The following ATXN2 variants were observed in gnomAD, a reference collection of about 807,000 sequenced individuals.
ATXN2 encodes ataxin 2, also known as ataxin-2.
In ATXN2, 37 loss-of-function variants were observed where a neutral mutation model predicts 138.6. The observed-to-expected ratio is 0.27, with a 90% CI of 0.21 to 0.35. The LOEUF is 0.35. Among genes scored for constraint, ATXN2 ranks in the 10% least tolerant of loss-of-function variants. The probability of loss-of-function intolerance (pLI) is 1.00; values close to 1 mark genes in which losing one functional copy is unlikely to be tolerated. For missense variants in ATXN2, 1,216 were observed against 1,480.3 expected, an observed-to-expected ratio of 0.82 and a Z score of 2.93; for synonymous variants, 549 against 543.7, an observed-to-expected ratio of 1.01 and a Z score of -0.13.
At chr12:111,579,272 A>G (rs185212675) in intron 1 of ATXN2, among the ~76,000 whole-genome samples, 58 of 151,782 alleles carry the variant, frequency 3.8e-4, no homozygotes, top group Non-Finnish European at 6.5e-4. Context: ...TTATTTATTT[A>G]TTTTTTTGAG....
chr12:111,520,794 AAACT>A (rs1435875385), intron 7 of ATXN2, 84 bp downstream of exon 7: 8 of 719,378 alleles, frequency 1.1e-5, no homozygotes, highest in Admixed American at 3.6e-5. Flanking sequence ...TTTAACTTAA[AAACT>A]AACAAACATT....
At chr12:111,585,613 T>G (rs1884280688) in intron 1 of ATXN2, among the ~76,000 whole-genome samples, 1 of 151,786 alleles carries the variant, frequency 6.6e-6, no homozygotes, top group African/African-American at 2.4e-5. Context: ...GAGACCAGCC[T>G]GGCCAAAATG....
At chr12:111,562,720 C>CAAAAA (rs34625134) in intron 1 of ATXN2, among the ~76,000 whole-genome samples, 24 of 55,882 alleles carry the variant, frequency 4.3e-4, no homozygotes, top group Middle Eastern at 9.3e-3. Flanking sequence ...AACTCCATCT[C>CAAAAA]AAAAAAAAAA....
rs1339890255 is a variant in ATXN2 at position 111,598,660 on chromosome 12, C to A, written c.251+124G>T. On this transcript the variant is annotated intron_variant, in intron 1 of 24. Coordinates refer to ENST00000673436, the MANE Select transcript of ATXN2 (RefSeq NM_001372574.1). The surrounding 1 kb of genome is among the most constrained non-coding windows in gnomAD (Gnocchi z 4.5). ...GGCTCAGGCCCGAGCGAGTCTCCCC[C>A]GCGCTGCCGGCCCCCAGCCCACCCC... The A allele has an allele frequency of 3.3e-6, 3 of 896,046 alleles. No individual in the cohort carries two copies. In the East Asian group the frequency reaches 3.3e-4, roughly 97 times the overall value. The allele number at this position is 896,046 out of a possible 1,614,324, so 55.5% of individuals were successfully genotyped here.
chr12:111,482,023 T>G (rs1877273268), intron 18 of ATXN2, among the ~76,000 whole-genome samples: 1 of 151,830 alleles, frequency 6.6e-6, no homozygotes, highest in Non-Finnish European at 1.5e-5. Flanking sequence ...AAAAAGGAAA[T>G]AATCCAAATG....
At chr12:111,479,933 G>A (rs1359120522) in intron 18 of ATXN2, among the ~76,000 whole-genome samples, 1 of 146,926 alleles carries the variant, frequency 6.8e-6, no homozygotes, top group Non-Finnish European at 1.5e-5. Context: ...GCTGAGGTGA[G>A]CTCAAGAGTT....
rs1877671112 is a variant in ATXN2 at position 111,486,752 on chromosome 12, T to C, written c.2304+9A>G. 1.2e-6 allele frequency: 2 copies of C among 1,604,938 alleles called. No homozygotes were observed. The highest frequency in any genetic ancestry group is 8.5e-7 in the Non-Finnish European group (1 of 1,172,660). On this transcript the variant is annotated intron_variant, in intron 16 of 24. Transcript: ENST00000673436. ...GACTAGATAACCTCAAAGAAAGTAA[T>C]AAACCTACCTGAGAGAAGGAACGTG...
chr12:111,517,864 C>T (rs1879944208), intron 9 of ATXN2, among the ~76,000 whole-genome samples: 1 of 152,048 alleles, frequency 6.6e-6, no homozygotes, highest in East Asian at 1.9e-4. Context: ...CAGTGTTGCA[C>T]ATAGGTTAGA....
intron 1 of ATXN2, among the ~76,000 whole-genome samples, chr12:111,577,560 C>T (rs1411207396): frequency 6.6e-6 from 1 of 151,966 alleles, no homozygotes; most frequent in African/African-American, 2.4e-5. Context: ...CCACCGGGCC[C>T]GGCCCGCATG....
intron 5 of ATXN2, among the ~76,000 whole-genome samples, chr12:111,533,343 CAA>C (rs1171086016): frequency 6.6e-6 from 1 of 152,146 alleles, no homozygotes; most frequent in Admixed American, 6.5e-5. Context: ...GTCCCTGATA[CAA>C]AGTGGTGTAG....
chr12:111,455,871 T>A, intron 23 of ATXN2, 158 bp downstream of exon 23: 2 of 750,074 alleles, frequency 2.7e-6, no homozygotes, highest in Non-Finnish European at 4.7e-6. Flanking sequence ...CACACAAACA[T>A]TCCCTTAGGG....
At chr12:111,579,835 G>A (rs1398842458) in intron 1 of ATXN2, among the ~76,000 whole-genome samples, 1 of 151,636 alleles carries the variant, frequency 6.6e-6, no homozygotes, top group Non-Finnish European at 1.5e-5. Context: ...GAGTAGCTGG[G>A]ATTACAGGAG....
chr12:111,588,898 G>A (rs1884485016), intron 1 of ATXN2, among the ~76,000 whole-genome samples: 1 of 145,696 alleles, frequency 6.9e-6, no homozygotes. Flanking sequence ...GGGAGGCTGA[G>A]GCAGGAGAAT....
chr12:111,598,499 C>T lies in ATXN2; in HGVS notation c.251+285G>A. On this transcript the variant is annotated intron_variant, in intron 1 of 24. Coordinates refer to ENST00000673436, the MANE Select transcript of ATXN2 (RefSeq NM_001372574.1). This position sits in a 1 kb window ranked among gnomAD's most constrained non-coding sequence, Gnocchi z 4.5. ...CATCGCCGCTACCCGAGAACCCCTC[C>T]CAACACGCGTGGGGAGGGGAGGCCG... 1 of 984,936 alleles carries T rather than the reference C, an allele frequency of 1.0e-6. No individual in the cohort carries two copies. The highest frequency in any genetic ancestry group is 1.7e-5 in the African/African-American group (1 of 57,174). The allele number at this position is 984,936 out of a possible 1,614,324, so 61.0% of individuals were successfully genotyped here.
chr12:111,560,860 T>A (rs1170374033), intron 1 of ATXN2, among the ~76,000 whole-genome samples: 1 of 151,764 alleles, frequency 6.6e-6, no homozygotes, highest in Non-Finnish European at 1.5e-5. Context: ...TCTGACTTAA[T>A]AAGAATTTCA....
At chr12:111,471,689 T>C (rs927699048) in intron 18 of ATXN2, 2 of 152,044 alleles carry the variant, frequency 1.3e-5, no homozygotes, top group Non-Finnish European at 2.9e-5. Context: ...TTTATCTATG[T>C]AGGAAAGCAA....
chr12:111,509,676 T>A (rs983546583), intron 13 of ATXN2, 57 bp from the exon 14 acceptor site: 4 of 1,047,820 alleles, frequency 3.8e-6, no homozygotes, highest in African/African-American at 1.6e-5. Context: ...AACATCACAT[T>A]CTTTTTAGTA....
intron 1 of ATXN2, among the ~76,000 whole-genome samples, chr12:111,585,961 T>C (rs1884305232): frequency 6.6e-6 from 1 of 151,994 alleles, no homozygotes; most frequent in Non-Finnish European, 1.5e-5. Flanking sequence ...TGGAGTGCAG[T>C]GGTGCAATCA....
chr12:111,575,758 A>G lies in ATXN2; in HGVS notation c.252-19839T>C, dbSNP rs1046192834. ...TGCCTATAAATGCCATGCTTTCTACATGACAGGGTCAACTACTACTGCTTA... is the reference window on the plus strand; with the variant it reads ...TGCCTATAAATGCCATGCTTTCTACGTGACAGGGTCAACTACTACTGCTTA... On this transcript the variant is annotated intron_variant, in intron 1 of 24. Transcript: ENST00000673436. 2.6e-5 allele frequency among the ~76,000 whole-genome samples: 4 copies of G among 152,190 alleles called. No individual in the cohort carries two copies. In the East Asian group the frequency reaches 5.8e-4, roughly 22 times the overall value.
Sources: allele counts gnomAD v4.1 joint callset (sites outside exome capture counted in the v4.1 genomes callset), GRCh38; gene constraint gnomAD v4.1.1; non-coding constraint Gnocchi (gnomAD v3.1); transcripts MANE v1.5; gene names NCBI Gene and HGNC (gene_info 2026-07-23, HGNC 2026-07-21).